ATP2B1: variants seen among roughly 807,000 people sequenced by gnomAD.
ATP2B1 encodes ATPase plasma membrane Ca2+ transporting 1, also known as plasma membrane calcium-transporting ATPase 1.
ATP2B1 carries 14 observed loss-of-function variants against 124.2 expected under a neutral mutation model. The ratio of observed to expected loss-of-function variants is 0.11; its 90% CI spans 0.07 to 0.18. The LOEUF (loss-of-function observed/expected upper bound fraction) is 0.18, where lower values mean the gene tolerates loss of function less well. ATP2B1 is among the 10% of genes least tolerant of loss of function. The pLI, the probability that ATP2B1 is intolerant of heterozygous loss-of-function variation, is 1.00. For synonymous variants in ATP2B1, 449 were observed against 492.4 expected (o/e 0.91, Z 1.17); for missense variants, 763 against 1,466.1 (o/e 0.52, Z 7.83).
intron 11 of ATP2B1, among the ~76,000 whole-genome samples, chr12:89,618,704 C>T (rs1006642924): frequency 6.6e-6 from 1 of 152,148 alleles, no homozygotes; most frequent in African/African-American, 2.4e-5. Context: ...TGTGGTTTCC[C>T]CACCTCGAAG....
rs181288794 is a variant in ATP2B1, at chr12:89,634,731, T to C, written c.787+47A>G. 15 of 1,504,040 alleles carry C rather than the reference T, an allele frequency of 1.0e-5. No individual in the cohort carries two copies. The East Asian group carries it at 2.0e-4, about 20-fold the overall frequency. 93.2% of individuals were successfully genotyped at this position (1,504,040 alleles called of 1,614,324 possible). ...AATGGTGTTTGCTGACAATGGTACA[T>C]AGTTGCGAAAGAGGAAAGTGTTCAA... On this transcript the variant is annotated intron_variant, in intron 5 of 20. Transcript: ENST00000428670.
At chr12:89,680,851 T>G (rs559350427) in intron 1 of ATP2B1, among the ~76,000 whole-genome samples, 1 of 152,108 alleles carries the variant, frequency 6.6e-6, no homozygotes, top group South Asian at 2.1e-4. Flanking sequence ...CAAACATTAC[T>G]TTAAAAAGTA....
chr12:89,599,095 TACC>T lies in ATP2B1; in HGVS notation c.3351+19_3351+21del. On this transcript the variant is annotated intron_variant, in intron 20 of 20. Transcript: ENST00000428670. The stretch of plus-strand genomic sequence containing the variant: ...AAGCCCTGGCTCCCATCATCTCTCC[TACC>T]TCTCTACCAGGCCCATACCTGTGTT... 1 of 1,608,986 alleles carries T rather than the reference TACC, an allele frequency of 6.2e-7. No homozygotes were observed. Among genetic ancestry groups the T allele is most frequent in the South Asian group, 1.1e-5 (1 of 90,544 alleles).
At chr12:89,606,414 T>C (rs893008884) in intron 15 of ATP2B1, among the ~76,000 whole-genome samples, 6 of 152,176 alleles carry the variant, frequency 3.9e-5, no homozygotes, top group Admixed American at 6.5e-5. Flanking sequence ...TATTAAGTCT[T>C]ATAGAACTAC....
At chr12:89,649,096 C>T (rs931118453) in intron 2 of ATP2B1, among the ~76,000 whole-genome samples, 1 of 152,264 alleles carries the variant, frequency 6.6e-6, no homozygotes, top group South Asian at 2.1e-4. Flanking sequence ...CATAGTGAAA[C>T]TCCACTAGGG....
At chr12:89,600,023 C>T (rs930049813) in intron 19 of ATP2B1, among the ~76,000 whole-genome samples, 6 of 152,174 alleles carry the variant, frequency 3.9e-5, no homozygotes, top group African/African-American at 1.4e-4. Flanking sequence ...AAATAGGCTT[C>T]AAGGCACATA....
Position 89,627,698 on chromosome 12 carries a change from G to A in ATP2B1, c.947C>T (p.Ala316Val). 6.2e-7 allele frequency: 1 copy of A among 1,613,834 alleles called. No individual in the cohort carries two copies. The highest frequency in any genetic ancestry group is 8.5e-7 in the Non-Finnish European group (1 of 1,179,900). Residue 316 changes from alanine to valine, a missense_variant, in exon 7 of 21, where the codon GCT becomes GTT. Around this residue, in one of 7 missense-constraint regions of ATP2B1, gnomAD observed 392 missense variants for 776.6 expected, o/e 0.50. Coordinates refer to ENST00000428670, the MANE Select transcript of ATP2B1 (RefSeq NM_001366521.1). ...TTTACCTTTGTTGCGATTCTCAATA[G>A]CTCCATCTTGTTTCTTATCTGTAGG... is the stretch of plus-strand genomic sequence containing the variant. ...KEKKNKKQDG[A>V]IENRNKAKAQ...
At chr12:89,606,304 T>C (rs2854367) in intron 15 of ATP2B1, among the ~76,000 whole-genome samples, 145,709 of 152,230 alleles carry the variant, frequency 0.96, 69,775 homozygotes, top group East Asian at 0.99. Context: ...GCACCAGAAT[T>C]ATGTGATTCA....
chr12:89,697,843 C>G (rs886371344), intron 1 of ATP2B1, among the ~76,000 whole-genome samples: 1 of 151,484 alleles, frequency 6.6e-6, no homozygotes, highest in East Asian at 2.0e-4. Flanking sequence ...TACAAAGCTA[C>G]CGCTTGCTTT....
At position 89,619,567 on chromosome 12, in the gene ATP2B1, C is replaced by T. The variant is rs151294985; in HGVS notation, c.1829+432G>A. 6.8e-4 allele frequency among the ~76,000 whole-genome samples: 101 copies of T among 149,546 alleles called. 2 individuals carry two copies. The highest frequency in any genetic ancestry group is 6.9e-3 in the Middle Eastern group (2 of 290). Reference sequence around the variant, plus strand: ...CGGAGGGTGAAGTGAGCTGAGATCGCGCCACTGCACTCCAGCCTGGGTGAT... The same window carrying T: ...CGGAGGGTGAAGTGAGCTGAGATCGTGCCACTGCACTCCAGCCTGGGTGAT... On this transcript the variant is annotated intron_variant, in intron 11 of 20. Transcript: ENST00000428670.
chr12:89,636,728 C>G (rs1397235907), intron 3 of ATP2B1, among the ~76,000 whole-genome samples: 2 of 152,112 alleles, frequency 1.3e-5, no homozygotes, highest in Non-Finnish European at 2.9e-5. Flanking sequence ...AAATGGAAGA[C>G]TTGACGTGAA....
chr12:89,667,919 T>C (rs1050434567), intron 1 of ATP2B1, among the ~76,000 whole-genome samples: 1 of 152,170 alleles, frequency 6.6e-6, no homozygotes, highest in South Asian at 2.1e-4. Context: ...AAAAAGAATC[T>C]GAATAGCCAA....
At chr12:89,629,058 G>A (rs1177399337) in intron 6 of ATP2B1, among the ~76,000 whole-genome samples, 2 of 152,150 alleles carry the variant, frequency 1.3e-5, no homozygotes, top group Non-Finnish European at 2.9e-5. Context: ...GAATGTTCTA[G>A]ACTAGATTAA....
At chr12:89,700,862 C>A (rs986146343) in intron 1 of ATP2B1, among the ~76,000 whole-genome samples, 1 of 152,204 alleles carries the variant, frequency 6.6e-6, no homozygotes, top group Non-Finnish European at 1.5e-5. Context: ...AATAGCAGTG[C>A]ACCTGTAAGG....
At chr12:89,592,740 G>A (rs1361099127) in intron 20 of ATP2B1, among the ~76,000 whole-genome samples, 1 of 152,046 alleles carries the variant, frequency 6.6e-6, no homozygotes, top group Admixed American at 6.6e-5. Context: ...GGTTGTTGTG[G>A]GAGATTAAAT....
intron 6 of ATP2B1, among the ~76,000 whole-genome samples, chr12:89,628,137 T>A (rs979122222): frequency 6.6e-6 from 1 of 151,764 alleles, no homozygotes; most frequent in African/African-American, 2.4e-5. Context: ...GTGTGGTGGC[T>A]CATGCCTGTA....
At chr12:89,604,078 A>T in intron 16 of ATP2B1, 77 bp downstream of exon 16, 1 of 1,453,106 alleles carries the variant, frequency 6.9e-7, no homozygotes, top group Non-Finnish European at 9.4e-7. Flanking sequence ...CTTAAATATT[A>T]AGTATTTTTT....
intron 15 of ATP2B1, among the ~76,000 whole-genome samples, chr12:89,606,948 T>C (rs1877028361): frequency 6.6e-6 from 1 of 152,162 alleles, no homozygotes; most frequent in South Asian, 2.1e-4. Flanking sequence ...ATTATACAAA[T>C]GCAAATCTCA....
intron 1 of ATP2B1, among the ~76,000 whole-genome samples, chr12:89,703,082 AAACAGGTTCCC>A (rs1892046600): frequency 6.6e-6 from 1 of 152,216 alleles, no homozygotes; most frequent in African/African-American, 2.4e-5. Flanking sequence ...GAACAAACAA[AAACAGGTTCCC>A]AACAGTCTTG....
Sources: gnomAD v4.1 joint callset for allele counts (sites outside exome capture counted in the v4.1 genomes callset) on GRCh38, gnomAD v4.1.1 for gene constraint, gnomAD v4.1.1 regional missense constraint, MANE v1.5 for transcripts, NCBI Gene and HGNC (gene_info 2026-07-23, HGNC 2026-07-21) for gene names.